The following CTDSP1 variants were observed in gnomAD, a reference collection of about 807,000 sequenced individuals.
The protein encoded by CTDSP1 is CTD small phosphatase 1, also known as carboxy-terminal domain RNA polymerase II polypeptide A small phosphatase 1.
Under a neutral mutation model 32.5 loss-of-function variants are expected in CTDSP1, and 15 were observed. That is an observed-to-expected ratio of 0.46 (90% CI 0.31 to 0.71). The LOEUF is 0.71. Ranked by LOEUF, CTDSP1 falls within the 30% of genes least tolerant of loss-of-function variation. The probability of loss-of-function intolerance (pLI) is 0.05; values close to 1 mark genes in which losing one functional copy is unlikely to be tolerated. For synonymous variants in CTDSP1, 185 were observed against 145.4 expected (o/e 1.27, Z -1.96); for missense variants, 294 against 351.1 (o/e 0.84, Z 1.30).
upstream of CTDSP1, chr2:218,398,757 A>G (rs1241190130): frequency 3.9e-6 from 1 of 258,824 alleles, no homozygotes; most frequent in Non-Finnish European, 7.3e-6. Context: ...GCTTGGCATT[A>G]TTAATTTTTA....
intron 1 of CTDSP1, 155 bp from the exon 2 acceptor site, chr2:218,401,409 G>A (rs1426890182): frequency 2.6e-6 from 2 of 767,000 alleles, no homozygotes; most frequent in African/African-American, 3.5e-5. Flanking sequence ...GCCCTGACAG[G>A]GGCGTTTCAG....
At chr2:218,397,954 G>A (rs1034622925), upstream of CTDSP1, among the ~76,000 whole-genome samples, 5 of 152,226 alleles carry the variant, frequency 3.3e-5, no homozygotes, top group Admixed American at 6.5e-5. Context: ...TGGGGTGGAG[G>A]AGGTGGGGGA....
chr2:218,402,845 T>C, intron 4 of CTDSP1, 190 bp from the exon 5 acceptor site: 1 of 663,020 alleles, frequency 1.5e-6, no homozygotes. Context: ...GGAGTGGAAG[T>C]TTTGATCGTT....
intron 2 of CTDSP1, 24 bp from the exon 3 acceptor site, chr2:218,402,087 C>A (rs695873): frequency 0.013 from 20,085 of 1,544,574 alleles, 265 homozygotes; most frequent in African/African-American, 0.052. Context: ...AGAGGCACCC[C>A]AGCCAGCCCC....
At chr2:218,401,027 G>C (rs1697109239) in intron 1 of CTDSP1, 3 of 436,522 alleles carry the variant, frequency 6.9e-6, no homozygotes, top group African/African-American at 2.0e-5. Flanking sequence ...CTCCAGGTCG[G>C]AGGTCTGGGC....
In CTDSP1 at chr2:218,404,490, G is replaced by GCC; in HGVS notation, c.*67_*68dup. 8.2e-6 allele frequency: 13 copies of GCC among 1,586,436 alleles called. No individual in the cohort carries two copies. Among genetic ancestry groups the GCC allele is most frequent in the Non-Finnish European group, 1.1e-5 (13 of 1,163,622 alleles). On this transcript the variant is annotated 3_prime_UTR_variant, in exon 7 of 7. Coordinates refer to ENST00000273062, the MANE Select transcript of CTDSP1 (RefSeq NM_021198.3). ...ACCCACACCTCCTCCCAGGAAGACT[G>GCC]CCCAGGCCTTTGTTAGGAAAACCCA... is the stretch of plus-strand genomic sequence containing the variant.
rs376711907 is a variant in CTDSP1 at position 218,400,861 on chromosome 2, C to A, written c.68-703C>A. 2.4e-5 allele frequency: 11 copies of A among 456,438 alleles called. No individual in the cohort carries two copies. In the East Asian group the frequency reaches 3.5e-4, roughly 14 times the overall value. The allele number at this position is 456,438 out of a possible 1,614,324, so 28.3% of individuals were successfully genotyped here. On this transcript the variant is annotated intron_variant, in intron 1 of 6. Coordinates refer to ENST00000273062, the MANE Select transcript of CTDSP1 (RefSeq NM_021198.3). ...GTGGGGGGGTCTGTCTTCTCCTTTTCCCCGTGTGGACCTCAGGATCTGGAC... is the reference window on the plus strand; with the variant it reads ...GTGGGGGGGTCTGTCTTCTCCTTTTACCCGTGTGGACCTCAGGATCTGGAC...
At chr2:218,401,862 G>A in intron 2 of CTDSP1, 150 bp downstream of exon 2, 1 of 808,166 alleles carries the variant, frequency 1.2e-6, no homozygotes, top group Non-Finnish European at 1.9e-6. Flanking sequence ...GCCAGGCCCT[G>A]CCCACTGTGG....
rs1697344425 is a variant in CTDSP1 at position 218,405,098 on chromosome 2, C to T, written c.*673C>T. The T allele has an allele frequency of 6.5e-6, 1 of 152,966 alleles. No homozygotes were observed. Among genetic ancestry groups the T allele is most frequent in the Admixed American group, 6.5e-5 (1 of 15,284 alleles). 9.5% of individuals were successfully genotyped at this position (152,966 alleles called of 1,614,324 possible). A position where few individuals can be genotyped will look rare whatever the true frequency, so the allele number is the denominator to read the frequency against. On this transcript the variant is annotated 3_prime_UTR_variant, in exon 7 of 7. Coordinates refer to ENST00000273062, the MANE Select transcript of CTDSP1 (RefSeq NM_021198.3). ...TCCAAGCAATGACCTCAGACTTCTG[C>T]CTTAACCAGCCCCGGGGCTTGGCTC...
intron 1 of CTDSP1, chr2:218,401,336 C>T (rs1697125967): frequency 1.4e-5 from 8 of 580,428 alleles, no homozygotes; most frequent in South Asian, 8.3e-5. Context: ...CCTATGTGGG[C>T]GCCTTAATAC....
intron 2 of CTDSP1, 89 bp from the exon 3 acceptor site, chr2:218,402,022 C>A (rs1395996189): frequency 1.1e-6 from 1 of 926,970 alleles, no homozygotes. Context: ...CCTGGGGTTC[C>A]TCTGGAGACG....
At chr2:218,401,458 G>T in intron 1 of CTDSP1, 106 bp from the exon 2 acceptor site, 1 of 1,333,326 alleles carries the variant, frequency 7.5e-7, no homozygotes, top group Non-Finnish European at 1.0e-6. Context: ...TGGATGAAGG[G>T]GCCACGGCAA....
In CTDSP1 at chr2:218,401,623, T is replaced by A. The variant is rs1219625398; in HGVS notation, c.127T>A (p.Phe43Ile). 1.2e-6 allele frequency: 2 copies of A among 1,613,628 alleles called. No individual in the cohort carries two copies. The highest frequency in any genetic ancestry group is 2.7e-5 in the African/African-American group (2 of 74,924). ...PRSRGILHSL[F>I]CCVCRDDGEA... is the part of the protein sequence containing the mutation. ...AAGCCGGGGCATCCTCCACTCACTC[T>A]TCTGCTGTGTCTGCCGGGATGATGG... The change falls in exon 2 of 7, where the codon TTC becomes ATC. Residue 43 changes from phenylalanine (F) to isoleucine (I), a missense_variant. Physicochemically the swap from Phe to Ile is conservative, Grantham distance 21. Transcript: ENST00000273062.
At position 218,401,574 on chromosome 2, in the gene CTDSP1, G is replaced by A; in HGVS notation, c.78G>A (p.Lys26=). The change falls in exon 2 of 7, where the codon AAG becomes AAA. Residue 26 remains lysine (K), a synonymous_variant. Transcript: ENST00000273062. The part of the protein sequence containing the change: ...RGPLRGKGDQ[K]SAASQKPRSR... Reference sequence around the variant, plus strand: ...GCCTCCCTACTTCAGGTGACCAGAAGTCAGCAGCTTCCCAGAAGCCCCGAA... The same window carrying A: ...GCCTCCCTACTTCAGGTGACCAGAAATCAGCAGCTTCCCAGAAGCCCCGAA... 6.2e-7 allele frequency: 1 copy of A among 1,613,970 alleles called. No individual in the cohort carries two copies.
chr2:218,398,357 C>A, upstream of CTDSP1: 5 of 1,483,572 alleles, frequency 3.4e-6, no homozygotes, highest in Non-Finnish European at 4.5e-6. Context: ...GGGGCGCAGC[C>A]AGAGCAGGCC....
rs1416130611 is a variant in CTDSP1, at chr2:218,403,280, G to T, written c.520G>T (p.Ala174Ser). ...DLLDKWGAFR[A>S]RLFRESCVFH... ...GCTGGACAAATGGGGGGCCTTCCGG[G>T]CCCGGCTGTTTCGAGAGTCCTGCGT... Residue 174 changes from alanine to serine, a missense_variant, in exon 6 of 7, where the codon GCC becomes TCC. Physicochemically the swap from Ala to Ser is moderately conservative, Grantham distance 99. Coordinates refer to ENST00000273062, the MANE Select transcript of CTDSP1 (RefSeq NM_021198.3). 56 of 1,614,022 alleles carry T rather than the reference G, an allele frequency of 3.5e-5. No homozygotes were observed. Among genetic ancestry groups the T allele is most frequent in the Non-Finnish European group, 4.7e-5 (55 of 1,179,948 alleles).
At chr2:218,402,714 G>T (rs781643021) in intron 4 of CTDSP1, 1 of 758,268 alleles carries the variant, frequency 1.3e-6, no homozygotes, top group Non-Finnish European at 2.5e-6. Context: ...TACTTGGCTC[G>T]GGGACCGGTG....
chr2:218,400,483 G>A (rs938204140), intron 1 of CTDSP1: 23 of 435,600 alleles, frequency 5.3e-5, no homozygotes, highest in Admixed American at 4.9e-4. Flanking sequence ...CAATGGGGCT[G>A]GGAGATGGGG....
chr2:218,402,790 G>A, intron 4 of CTDSP1: 1 of 709,636 alleles, frequency 1.4e-6, no homozygotes, highest in Non-Finnish European at 2.6e-6. Context: ...TGAGGCAGGG[G>A]AAGGGATTGG....
Sources: allele counts gnomAD v4.1 joint callset (sites outside exome capture counted in the v4.1 genomes callset), GRCh38; gene constraint gnomAD v4.1.1; transcripts MANE v1.5; gene names NCBI Gene and HGNC (gene_info 2026-07-23, HGNC 2026-07-21).